NT5DC3: variants seen among roughly 807,000 people sequenced by gnomAD.
NT5DC3 encodes 5'-nucleotidase domain containing 3, also known as 5'-nucleotidase domain-containing protein 3.
Under a neutral mutation model 67.8 loss-of-function variants are expected in NT5DC3, and 42 were observed. The ratio of observed to expected loss-of-function variants is 0.62; its 90% CI spans 0.48 to 0.80. NT5DC3 has a LOEUF of 0.80. Among genes scored for constraint, NT5DC3 ranks in the 30% least tolerant of loss-of-function variants. NT5DC3 has a pLI of 0.00. For missense variants in NT5DC3, 570 were observed against 696.4 expected (o/e 0.82, Z 2.04); for synonymous variants, 237 against 255.6 (o/e 0.93, Z 0.69).
the NT5DC3 span, among the ~76,000 whole-genome samples, chr12:103,750,238 C>G: frequency 6.6e-6 from 1 of 152,304 alleles, no homozygotes; most frequent in Admixed American, 6.5e-5. Flanking sequence ...ATGCACTGTA[C>G]AGAAACAAAT....
chr12:103,786,681 AT>A (rs3036176), intron 11 of NT5DC3, among the ~76,000 whole-genome samples: 233 of 132,342 alleles, frequency 1.8e-3, no homozygotes, highest in African/African-American at 2.1e-3. Context: ...CACTGGTTTG[AT>A]TTTTTTTTTT....
At chr12:103,748,100 A>C in the NT5DC3 span, among the ~76,000 whole-genome samples, 1 of 152,102 alleles carries the variant, frequency 6.6e-6, no homozygotes, top group African/African-American at 2.4e-5. Flanking sequence ...TTTTTCATGG[A>C]TAAATATTCA....
chr12:103,790,005 C>A (rs1189526204), intron 9 of NT5DC3, among the ~76,000 whole-genome samples: 1 of 152,064 alleles, frequency 6.6e-6, no homozygotes, highest in East Asian at 1.9e-4. Context: ...AATTTATATC[C>A]TTTTTCTCTA....
intron 12 of NT5DC3, among the ~76,000 whole-genome samples, 153 bp from the exon 13 acceptor site, chr12:103,780,517 C>A (rs150006126): frequency 1.0e-3 from 155 of 152,286 alleles, no homozygotes; most frequent in Admixed American, 2.6e-3. Flanking sequence ...ATTTTTCAGA[C>A]CTTCCAGTTG....
chr12:103,841,181 C>A lies in NT5DC3; in HGVS notation c.-25G>T. On this transcript the variant is annotated 5_prime_UTR_variant, in exon 1 of 14. Coordinates refer to ENST00000392876, the MANE Select transcript of NT5DC3 (RefSeq NM_001031701.3). ...TGCCTGCTGCCTGCTGCCGCCACCGCCGCCGCGCCGCTCTGCGACTGCTGC... is the reference window on the plus strand; with the variant it reads ...TGCCTGCTGCCTGCTGCCGCCACCGACGCCGCGCCGCTCTGCGACTGCTGC... The A allele has an allele frequency of 1.6e-6, 1 of 625,812 alleles. No homozygotes were observed. Among genetic ancestry groups the A allele is most frequent in the Non-Finnish European group, 2.6e-6 (1 of 379,522 alleles). The allele number at this position is 625,812 out of a possible 1,614,324, so 38.8% of individuals were successfully genotyped here. A position where few individuals can be genotyped will look rare whatever the true frequency, so the allele number is the denominator to read the frequency against.
At position 103,788,713 on chromosome 12, in the gene NT5DC3, A is replaced by G. The variant is rs901539315; in HGVS notation, c.1101+125T>C. 8.9e-6 allele frequency: 6 copies of G among 674,730 alleles called. No homozygotes were observed. The Admixed American group carries it at 1.1e-4, about 12-fold the overall frequency. 41.8% of individuals were successfully genotyped at this position (674,730 alleles called of 1,614,324 possible). A position where few individuals can be genotyped will look rare whatever the true frequency, so the allele number is the denominator to read the frequency against. Reference sequence around the variant, plus strand: ...TAAGTTTACCACCAAGTTATAATCAATCAGTTCATGGGAATCACTCAGAAC... The same window carrying G: ...TAAGTTTACCACCAAGTTATAATCAGTCAGTTCATGGGAATCACTCAGAAC... On this transcript the variant is annotated intron_variant, in intron 10 of 13. Coordinates refer to ENST00000392876, the MANE Select transcript of NT5DC3 (RefSeq NM_001031701.3).
At chr12:103,756,997 ATATATATATATATAT>A in the NT5DC3 span, among the ~76,000 whole-genome samples, 2 of 130,150 alleles carry the variant, frequency 1.5e-5, no homozygotes, top group East Asian at 2.4e-4. Context: ...AGGAGGGAAA[ATATATATATATATAT>A]ATATATATAT....
chr12:103,755,590 C>A, the NT5DC3 span: 2 of 1,613,700 alleles, frequency 1.2e-6, no homozygotes, highest in Non-Finnish European at 1.7e-6. Flanking sequence ...TGTGTGGGAC[C>A]CTGTGTGCCT....
intron 2 of NT5DC3, among the ~76,000 whole-genome samples, chr12:103,813,476 T>G (rs1887119806): frequency 1.3e-5 from 2 of 152,224 alleles, no homozygotes; most frequent in African/African-American, 2.4e-5. Flanking sequence ...ATGACTGCAT[T>G]TTGGATATGG....
At chr12:103,810,928 G>A (rs1055109223) in intron 2 of NT5DC3, among the ~76,000 whole-genome samples, 2 of 152,138 alleles carry the variant, frequency 1.3e-5, no homozygotes, top group East Asian at 1.9e-4. Flanking sequence ...CCTAAATTAC[G>A]CATCTAATTA....
intron 1 of NT5DC3, among the ~76,000 whole-genome samples, chr12:103,831,816 CT>C (rs1887941753): frequency 7.0e-6 from 1 of 143,534 alleles, no homozygotes; most frequent in Non-Finnish European, 1.5e-5. Flanking sequence ...CAATCTGTCA[CT>C]CAGGCTGGAG....
At chr12:103,838,467 C>G (rs921706634) in intron 1 of NT5DC3, among the ~76,000 whole-genome samples, 1 of 152,220 alleles carries the variant, frequency 6.6e-6, no homozygotes, top group African/African-American at 2.4e-5. Context: ...CCAGTTCTCA[C>G]AGGCAGCAAG....
chr12:103,833,422 A>C (rs1888013497), intron 1 of NT5DC3, among the ~76,000 whole-genome samples: 1 of 152,202 alleles, frequency 6.6e-6, no homozygotes, highest in Non-Finnish European at 1.5e-5. Context: ...TATGCTTACT[A>C]TTACTATTCA....
In NT5DC3 at chr12:103,807,146, A is replaced by G. The variant is rs992335446; in HGVS notation, c.394-217T>C. 9.2e-5 allele frequency among the ~76,000 whole-genome samples: 14 copies of G among 152,248 alleles called. 1 individual carries two copies. The highest frequency in any genetic ancestry group is 2.0e-4 in the Admixed American group (3 of 15,286). ...TTCCATCCTGCCCTGTACCCTGTCC[A>G]TCTGCCCAAGCACAGGCTGGGCCTC... On this transcript the variant is annotated intron_variant, in intron 2 of 13. Transcript: ENST00000392876.
At chr12:103,824,042 C>T (rs1281374533) in intron 1 of NT5DC3, among the ~76,000 whole-genome samples, 1 of 152,184 alleles carries the variant, frequency 6.6e-6, no homozygotes, top group Non-Finnish European at 1.5e-5. Context: ...TGCTAGGGAA[C>T]AAGCTGATCA....
chr12:103,818,520 T>C (rs1887357165), intron 1 of NT5DC3, among the ~76,000 whole-genome samples: 2 of 151,804 alleles, frequency 1.3e-5, no homozygotes, highest in Admixed American at 6.6e-5. Flanking sequence ...AGATTACAGG[T>C]GTGCACCACC....
intron 2 of NT5DC3, among the ~76,000 whole-genome samples, chr12:103,814,081 AT>A (rs1436311401): frequency 2.0e-5 from 3 of 152,156 alleles, no homozygotes; most frequent in Non-Finnish European, 2.9e-5. Flanking sequence ...TGCATAACTG[AT>A]CTACCCACGT....
chr12:103,807,747 G>A (rs1886863602), intron 2 of NT5DC3, among the ~76,000 whole-genome samples: 1 of 152,200 alleles, frequency 6.6e-6, no homozygotes, highest in African/African-American at 2.4e-5. Flanking sequence ...TGTTGTGGGA[G>A]GAACCTGGTG....
chr12:103,772,008 G>A (rs1885196200), downstream of NT5DC3, among the ~76,000 whole-genome samples: 1 of 152,150 alleles, frequency 6.6e-6, no homozygotes, highest in South Asian at 2.1e-4. Context: ...TCCATGGGAG[G>A]AATGACAGTC....
Sources: allele counts gnomAD v4.1 joint callset (sites outside exome capture counted in the v4.1 genomes callset), GRCh38; gene constraint gnomAD v4.1.1; transcripts MANE v1.5; gene names NCBI Gene and HGNC (gene_info 2026-07-23, HGNC 2026-07-21).